PTPRR: variants seen among roughly 807,000 people sequenced by gnomAD.
PTPRR encodes the protein protein tyrosine phosphatase receptor type R.
PTPRR carries 38 observed loss-of-function variants against 77.2 expected under a neutral mutation model. The observed-to-expected ratio is 0.49, with a 90% CI of 0.38 to 0.65. PTPRR has a LOEUF of 0.65. Among genes scored for constraint, PTPRR ranks in the 30% least tolerant of loss-of-function variants. PTPRR has a pLI of 0.00. For synonymous variants in PTPRR, 299 were observed against 283.1 expected (o/e 1.06, Z -0.57); for missense variants, 744 against 799.2 (o/e 0.93, Z 0.83).
chr12:70,643,205 C>T (rs1203871167), intron 13 of PTPRR, among the ~76,000 whole-genome samples: 1 of 152,170 alleles, frequency 6.6e-6, no homozygotes, highest in African/African-American at 2.4e-5. Context: ...GCAATCACAG[C>T]TCACTGCAGC....
chr12:70,797,948 A>G (rs1018290966), intron 2 of PTPRR, among the ~76,000 whole-genome samples: 15 of 152,072 alleles, frequency 9.9e-5, no homozygotes, highest in African/African-American at 3.4e-4. Flanking sequence ...TACACATTCT[A>G]TGTGCTGATA....
At chr12:70,707,984 A>T (rs1888679485) in intron 6 of PTPRR, among the ~76,000 whole-genome samples, 5 of 151,934 alleles carry the variant, frequency 3.3e-5, no homozygotes, top group Admixed American at 3.3e-4. Context: ...TCTCATCCGG[A>T]CCTGTGTCCC....
intron 6 of PTPRR, among the ~76,000 whole-genome samples, chr12:70,727,652 A>G (rs1169663622): frequency 6.6e-6 from 1 of 152,144 alleles, no homozygotes; most frequent in East Asian, 1.9e-4. Context: ...GGATACATTG[A>G]GGGGAATGAT....
At chr12:70,869,550 T>C (rs1892924988) in intron 2 of PTPRR, among the ~76,000 whole-genome samples, 1 of 152,140 alleles carries the variant, frequency 6.6e-6, no homozygotes, top group South Asian at 2.1e-4. Context: ...GAATATTACT[T>C]TATGTGGTAA....
intron 10 of PTPRR, among the ~76,000 whole-genome samples, chr12:70,668,535 A>G (rs1887097719): frequency 1.3e-5 from 2 of 152,238 alleles, no homozygotes; most frequent in South Asian, 4.1e-4. Context: ...TAAGCTAATT[A>G]TAAATGATAG....
At chr12:70,753,706 G>A (rs1442878307) in intron 5 of PTPRR, among the ~76,000 whole-genome samples, 1 of 152,106 alleles carries the variant, frequency 6.6e-6, no homozygotes, top group Non-Finnish European at 1.5e-5. Flanking sequence ...TAGCCTTTGA[G>A]GGTATAATCA....
intron 2 of PTPRR, among the ~76,000 whole-genome samples, chr12:70,855,945 G>T (rs753250493): frequency 6.6e-5 from 10 of 152,062 alleles, no homozygotes; most frequent in Non-Finnish European, 1.3e-4. Flanking sequence ...CTAATGGAAT[G>T]AAATCTGTGC....
At chr12:70,868,356 C>A (rs1313432609) in intron 2 of PTPRR, among the ~76,000 whole-genome samples, 9 of 86,198 alleles carry the variant, frequency 1.0e-4, no homozygotes, top group Middle Eastern at 4.5e-3. Context: ...AAAAAAACAA[C>A]CCCATCAAAA....
chr12:70,759,690 A>C (rs1237555684), intron 4 of PTPRR, among the ~76,000 whole-genome samples: 5 of 149,480 alleles, frequency 3.3e-5, no homozygotes, highest in Non-Finnish European at 7.4e-5. Flanking sequence ...AAAAAAAAAA[A>C]AAAAAAAAAA....
chr12:70,665,364 C>CTTTTTT (rs72472808), intron 10 of PTPRR, among the ~76,000 whole-genome samples: 808 of 44,792 alleles, frequency 0.018, 35 homozygotes, highest in Middle Eastern at 0.033. Context: ...AATGCAAATT[C>CTTTTTT]TTTTTTTTTT....
At chr12:70,773,324 C>T (rs919944304) in intron 2 of PTPRR, among the ~76,000 whole-genome samples, 1 of 152,104 alleles carries the variant, frequency 6.6e-6, no homozygotes, top group East Asian at 1.9e-4. Flanking sequence ...GATGTAATTC[C>T]ACCTTTAACG....
intron 1 of PTPRR, among the ~76,000 whole-genome samples, chr12:70,919,166 CTT>C (rs1893815929): frequency 6.6e-6 from 1 of 152,180 alleles, no homozygotes; most frequent in African/African-American, 2.4e-5. Context: ...TTCACCCACT[CTT>C]TTAAAAAAGA....
chr12:70,785,054 C>T (rs1891293707), intron 2 of PTPRR, among the ~76,000 whole-genome samples: 1 of 152,162 alleles, frequency 6.6e-6, no homozygotes, highest in Non-Finnish European at 1.5e-5. Context: ...CAAAACGGCA[C>T]ATTTTAAGAA....
chr12:70,643,883 T>G (rs1173221598), intron 13 of PTPRR, among the ~76,000 whole-genome samples: 1 of 152,116 alleles, frequency 6.6e-6, no homozygotes, highest in Non-Finnish European at 1.5e-5. Context: ...GCCTCCCAAG[T>G]AGCTGGGACT....
intron 2 of PTPRR, among the ~76,000 whole-genome samples, chr12:70,829,798 T>A (rs151050832): frequency 4.6e-5 from 7 of 152,236 alleles, no homozygotes; most frequent in African/African-American, 1.7e-4. Flanking sequence ...GAGGATCTCA[T>A]AGGTGCATAG....
intron 6 of PTPRR, among the ~76,000 whole-genome samples, chr12:70,712,313 G>T (rs960204145): frequency 6.6e-6 from 1 of 151,754 alleles, no homozygotes; most frequent in African/African-American, 2.4e-5. Context: ...TCATGTTATC[G>T]GTGATGCCTA....
chr12:70,643,254 C>T (rs765658059), intron 13 of PTPRR, among the ~76,000 whole-genome samples: 5 of 152,116 alleles, frequency 3.3e-5, no homozygotes, highest in Admixed American at 1.3e-4. Flanking sequence ...CCACCTCAGC[C>T]TCCCAAGTAG....
intron 2 of PTPRR, among the ~76,000 whole-genome samples, chr12:70,778,800 C>A (rs1891142594): frequency 6.6e-6 from 1 of 152,126 alleles, no homozygotes; most frequent in Admixed American, 6.6e-5. Context: ...CAGGAGATGA[C>A]ACAAAACTTG....
At chr12:70,731,616 C>T (rs1439179522) in intron 6 of PTPRR, among the ~76,000 whole-genome samples, 1 of 152,192 alleles carries the variant, frequency 6.6e-6, no homozygotes, top group African/African-American at 2.4e-5. Context: ...CAATTGGCCA[C>T]ATAGGGTGGT....
Sources: allele counts gnomAD v4.1 joint callset (sites outside exome capture counted in the v4.1 genomes callset), GRCh38; gene constraint gnomAD v4.1.1; transcripts MANE v1.5; gene names NCBI Gene and HGNC (gene_info 2026-07-23, HGNC 2026-07-21).